Variants in MAGI1 observed in about 807,000 individuals in gnomAD.
MAGI1 encodes the protein membrane associated guanylate kinase, WW and PDZ domain containing 1.
A neutral mutation model predicts 139.9 loss-of-function variants in MAGI1; 58 were observed. The observed-to-expected ratio is 0.41, with a 90% CI of 0.34 to 0.52. MAGI1 has a LOEUF of 0.52. Among genes scored for constraint, MAGI1 ranks in the 20% least tolerant of loss-of-function variants. The pLI, the probability that MAGI1 is intolerant of heterozygous loss-of-function variation, is 0.12. For missense variants in MAGI1, 1,874 were observed against 1,901.6 expected (o/e 0.99, Z 0.27); for synonymous variants, 812 against 737.9 (o/e 1.10, Z -1.63).
chr3:65,940,443 C>T (rs1307052761), intron 1 of MAGI1, among the ~76,000 whole-genome samples: 1 of 152,200 alleles, frequency 6.6e-6, no homozygotes, highest in Non-Finnish European at 1.5e-5. Context: ...CTGCCATCTT[C>T]TCACTGTATC....
chr3:65,380,436 TCA>T (rs1448823424), intron 16 of MAGI1, among the ~76,000 whole-genome samples: 1 of 152,196 alleles, frequency 6.6e-6, no homozygotes, highest in Non-Finnish European at 1.5e-5. Context: ...TGTGCAACCA[TCA>T]TCATCATCCA....
chr3:66,003,338 T>C (rs969906424), intron 1 of MAGI1, among the ~76,000 whole-genome samples: 2 of 151,950 alleles, frequency 1.3e-5, no homozygotes, highest in African/African-American at 4.8e-5. Context: ...AGAGTGGAGA[T>C]TTGGCTTGTT....
chr3:65,869,797 G>A (rs7635834), intron 1 of MAGI1, among the ~76,000 whole-genome samples: 57,283 of 152,024 alleles, frequency 0.38, 12,529 homozygotes, highest in African/African-American at 0.6. Flanking sequence ...GAAATGAAAT[G>A]AGGATCCTGG....
intron 1 of MAGI1, among the ~76,000 whole-genome samples, chr3:65,998,320 C>T (rs1007659484): frequency 3.3e-5 from 5 of 152,092 alleles, no homozygotes; most frequent in Admixed American, 6.5e-5. Flanking sequence ...ACTTGCAGAC[C>T]CCTGAGTGTG....
intron 3 of MAGI1, among the ~76,000 whole-genome samples, chr3:65,483,744 G>A (rs1182882586): frequency 1.3e-5 from 2 of 152,150 alleles, no homozygotes; most frequent in Non-Finnish European, 2.9e-5. Flanking sequence ...TCAACAGGGA[G>A]GGTAGCCAGG....
intron 1 of MAGI1, among the ~76,000 whole-genome samples, chr3:66,028,663 C>T (rs1443490635): frequency 6.6e-6 from 1 of 152,148 alleles, no homozygotes; most frequent in Admixed American, 6.6e-5. Flanking sequence ...TCCCTCCACA[C>T]TACCACAACC....
At chr3:66,005,715 G>A (rs1255339544) in intron 1 of MAGI1, among the ~76,000 whole-genome samples, 3 of 152,066 alleles carry the variant, frequency 2.0e-5, no homozygotes, top group Admixed American at 6.6e-5. Flanking sequence ...GAAAGAAGAT[G>A]ACACAAAAAG....
intron 1 of MAGI1, among the ~76,000 whole-genome samples, chr3:65,915,320 A>G (rs2061848354): frequency 6.6e-6 from 1 of 152,232 alleles, no homozygotes; most frequent in Admixed American, 6.5e-5. Context: ...ATTCAGAAGC[A>G]TAAATCCAAA....
intron 1 of MAGI1, among the ~76,000 whole-genome samples, chr3:65,718,118 G>T (rs1427442783): frequency 6.6e-6 from 1 of 152,154 alleles, no homozygotes; most frequent in African/African-American, 2.4e-5. Context: ...CTCCTGATAA[G>T]GTGTTCTACA....
intron 1 of MAGI1, among the ~76,000 whole-genome samples, chr3:65,905,739 A>G (rs1236932249): frequency 6.6e-6 from 1 of 152,232 alleles, no homozygotes; most frequent in Non-Finnish European, 1.5e-5. Context: ...GAGCAAATTT[A>G]GAGTACACTA....
intron 1 of MAGI1, among the ~76,000 whole-genome samples, chr3:65,850,455 T>A (rs1446070431): frequency 6.6e-6 from 1 of 152,136 alleles, no homozygotes; most frequent in Non-Finnish European, 1.5e-5. Context: ...TGCAAAGATA[T>A]CCTTGAAGTG....
intron 2 of MAGI1, among the ~76,000 whole-genome samples, chr3:65,605,137 C>T (rs748584660): frequency 2.6e-5 from 4 of 152,150 alleles, no homozygotes; most frequent in Admixed American, 6.5e-5. Context: ...GATGTCATAA[C>T]GACCCTTTCA....
chr3:65,936,566 G>C (rs192415406), intron 1 of MAGI1, among the ~76,000 whole-genome samples: 139 of 150,684 alleles, frequency 9.2e-4, no homozygotes, highest in African/African-American at 3.2e-3. Flanking sequence ...CTGCACTCCA[G>C]CCTGGGTGAC....
chr3:65,488,561 G>T (rs190679688), intron 3 of MAGI1, among the ~76,000 whole-genome samples: 1 of 151,700 alleles, frequency 6.6e-6, no homozygotes, highest in Non-Finnish European at 1.5e-5. Flanking sequence ...GGCTTGTGTC[G>T]AATTCCTGAC....
Position 65,992,580 on chromosome 3 carries a change from G to C in MAGI1, c.313+45416C>G, listed in dbSNP as rs1392930937. Among the ~76,000 whole-genome samples, 4 of 152,068 alleles carry C rather than the reference G, an allele frequency of 2.6e-5. No individual in the cohort carries two copies. In the East Asian group the frequency reaches 7.7e-4, roughly 29 times the overall value. ...AAGCTTTCCAAGGACCCTTCCAAGG[G>C]GATCTTGTTAAAATGCAGATTATCA... On this transcript the variant is annotated intron_variant, in intron 1 of 22. Coordinates refer to ENST00000402939, the MANE Select transcript of MAGI1 (RefSeq NM_001033057.2).
chr3:65,945,920 G>C (rs969898166), intron 1 of MAGI1, among the ~76,000 whole-genome samples: 1 of 152,192 alleles, frequency 6.6e-6, no homozygotes, highest in Admixed American at 6.5e-5. Context: ...GCACACTTGA[G>C]AGGCAAGCAA....
At position 66,010,077 on chromosome 3, in the gene MAGI1, CAAAAAAA is replaced by C. The variant is rs60882502; in HGVS notation, c.313+27912_313+27918del. ...GGTGACAAAGTGATACTCTCTGTCT[CAAAAAAA>C]AAAAAAAAAAAAAAAAAAAAGAATC... On this transcript the variant is annotated intron_variant, in intron 1 of 22. Coordinates refer to ENST00000402939, the MANE Select transcript of MAGI1 (RefSeq NM_001033057.2). 4.1e-3 allele frequency among the ~76,000 whole-genome samples: 287 copies of C among 69,772 alleles called. 1 individual carries two copies. The highest frequency in any genetic ancestry group is 9.8e-3 in the Admixed American group (53 of 5,390). The allele number at this position is 69,772 out of a possible 152,430, so 45.8% of individuals were successfully genotyped here. A position where few individuals can be genotyped will look rare whatever the true frequency, so the allele number is the denominator to read the frequency against.
At chr3:65,998,369 T>C (rs1296071141) in intron 1 of MAGI1, among the ~76,000 whole-genome samples, 1 of 152,150 alleles carries the variant, frequency 6.6e-6, no homozygotes, top group Non-Finnish European at 1.5e-5. Context: ...TTTAGGGTAG[T>C]TTGTTACATA....
chr3:65,958,901 C>T (rs953726817), intron 1 of MAGI1, among the ~76,000 whole-genome samples: 4 of 151,944 alleles, frequency 2.6e-5, no homozygotes, highest in African/African-American at 7.3e-5. Flanking sequence ...GCACGAGAAT[C>T]GTTTGAACCC....
Sources: gnomAD v4.1 joint callset for allele counts (sites outside exome capture counted in the v4.1 genomes callset) on GRCh38, gnomAD v4.1.1 for gene constraint, MANE v1.5 for transcripts, NCBI Gene and HGNC (gene_info 2026-07-23, HGNC 2026-07-21) for gene names.